LRRCC1: variants seen among roughly 807,000 people sequenced by gnomAD.
LRRCC1 encodes leucine rich repeat and coiled-coil centrosomal protein 1.
Under a neutral mutation model 126.0 loss-of-function variants are expected in LRRCC1, and 115 were observed. That is an observed-to-expected ratio of 0.91 (90% CI 0.78 to 1.07). LRRCC1 has a LOEUF of 1.07. Ranked by LOEUF, LRRCC1 falls within the 50% of genes least tolerant of loss-of-function variation. LRRCC1 has a pLI of 0.00. For synonymous variants in LRRCC1, 400 were observed against 393.4 expected (o/e 1.02, Z -0.20); for missense variants, 1,172 against 1,175.7 (o/e 1.00, Z 0.05).
intron 15 of LRRCC1, 31 bp downstream of exon 15, chr8:85,137,658 G>T: frequency 7.3e-7 from 1 of 1,360,644 alleles, no homozygotes. Context: ...TGGTTAAAGA[G>T]CAAATGGCAG....
In LRRCC1 at chr8:85,113,107, T is replaced by C; in HGVS notation, c.544+8T>C. 6.3e-7 allele frequency: 1 copy of C among 1,584,976 alleles called. No homozygotes were observed. Among genetic ancestry groups the C allele is most frequent in the South Asian group, 1.2e-5 (1 of 86,490 alleles). On this transcript the variant is annotated splice_region_variant and intron_variant, in intron 4 of 18. Transcript: ENST00000360375. ...CTGTCTGTCGACTGCCAGGTATGAATAATTAATTTAATATTTTTTCTAACA... is the reference window on the plus strand; with the variant it reads ...CTGTCTGTCGACTGCCAGGTATGAACAATTAATTTAATATTTTTTCTAACA...
chr8:85,117,115 G>C (rs1191550663), intron 6 of LRRCC1, among the ~76,000 whole-genome samples: 1 of 152,062 alleles, frequency 6.6e-6, no homozygotes, highest in Non-Finnish European at 1.5e-5. Flanking sequence ...TTTCTCATAG[G>C]CTGATCTCAT....
chr8:85,123,685 G>A, intron 7 of LRRCC1, 79 bp downstream of exon 7: 1 of 1,088,186 alleles, frequency 9.2e-7, no homozygotes, highest in Non-Finnish European at 1.3e-6. Flanking sequence ...ATCTCTTGGT[G>A]ATATTTGTTA....
At chr8:85,145,203 A>G (rs1259840340) in intron 18 of LRRCC1, among the ~76,000 whole-genome samples, 186 bp from the exon 19 acceptor site, 2 of 151,804 alleles carry the variant, frequency 1.3e-5, no homozygotes, top group Non-Finnish European at 2.9e-5. Flanking sequence ...AGTACTTTGT[A>G]TACTGTATAA....
Position 85,107,306 on chromosome 8 carries a change from C to T in LRRCC1, c.11C>T (p.Ala4Val), listed in dbSNP as rs371924871. 2.5e-4 allele frequency: 398 copies of T among 1,611,098 alleles called. No individual in the cohort carries two copies. The highest frequency in any genetic ancestry group is 3.3e-4 in the Non-Finnish European group (387 of 1,179,014). ...CCCGTCGCCAGTGCTATGGAGGCGG[C>T]GGCGGCGGTGGTGGCGGCAGAGGCG... MEA[A>V]AAVVAAEAEV... Residue 4 changes from alanine to valine, a missense_variant, in exon 1 of 19, where the codon GCG becomes GTG. Ala to Val is a moderately conservative substitution (Grantham distance 64). Transcript: ENST00000360375.
chr8:85,124,732 A>T, intron 7 of LRRCC1, 60 bp from the exon 8 acceptor site: 1 of 1,086,742 alleles, frequency 9.2e-7, no homozygotes, highest in Non-Finnish European at 1.3e-6. Context: ...ATGTTAATTT[A>T]GAGAAAAGTA....
At chr8:85,108,793 C>A in intron 1 of LRRCC1, 1 of 152,290 alleles carries the variant, frequency 6.6e-6, no homozygotes. Context: ...ATTGTGTGTT[C>A]CTGGGTGTAT....
intron 18 of LRRCC1, among the ~76,000 whole-genome samples, chr8:85,144,586 C>T (rs1811534217): frequency 6.8e-6 from 1 of 147,082 alleles, no homozygotes; most frequent in African/African-American, 2.5e-5. Flanking sequence ...CCTCCCTCAG[C>T]TTCCTGAGTA....
In LRRCC1 at chr8:85,123,503, A is replaced by C. The variant is rs746233056; in HGVS notation, c.1021A>C (p.Lys341Gln). 2 of 1,611,884 alleles carry C rather than the reference A, an allele frequency of 1.2e-6. No homozygotes were observed. The highest frequency in any genetic ancestry group is 4.5e-5 in the East Asian group (2 of 44,744). ...TTCTGAAAGTGACTATGGAAACAGA[A>C]AAGAATGCAATAGAAAAGTTCCTCG... ...ITSESDYGNR[K>Q]ECNRKVPRRS... Residue 341 changes from lysine (K) to glutamine (Q), a missense_variant, in exon 7 of 19, where the codon AAA (lysine) becomes CAA (glutamine). Physicochemically the swap from Lys to Gln is moderately conservative, Grantham distance 53 (BLOSUM62 1). Coordinates refer to ENST00000360375, the MANE Select transcript of LRRCC1 (RefSeq NM_033402.5).
intron 17 of LRRCC1, among the ~76,000 whole-genome samples, chr8:85,140,232 G>A (rs1174797161): frequency 1.3e-5 from 2 of 152,138 alleles, no homozygotes; most frequent in Admixed American, 1.3e-4. Context: ...TTTAATTTAA[G>A]GGAATTGTAA....
chr8:85,111,800 T>G (rs1479349875), intron 3 of LRRCC1, among the ~76,000 whole-genome samples: 1 of 152,012 alleles, frequency 6.6e-6, no homozygotes, highest in African/African-American at 2.4e-5. Context: ...CTGGTGAGAT[T>G]GTGAAGCAGT....
Position 85,131,847 on chromosome 8 carries a change from T to C in LRRCC1, c.1854T>C (p.His618=). Reference sequence around the variant, plus strand: ...AAATAGCCAAAGAAGAGAAAAAGCATGAGCAAATGATAAAAGAATACCAAG... The same window carrying C: ...AAATAGCCAAAGAAGAGAAAAAGCACGAGCAAATGATAAAAGAATACCAAG... ...AKEIAKEEKK[H]EQMIKEYQEK... is the part of the protein sequence containing the mutation. The change falls in exon 12 of 19, where the codon CAT becomes CAC. Residue 618 remains histidine, a synonymous_variant. Transcript: ENST00000360375. The C allele has an allele frequency of 4.3e-6, 7 of 1,613,772 alleles. No individual in the cohort carries two copies. Among genetic ancestry groups the C allele is most frequent in the Non-Finnish European group, 5.9e-6 (7 of 1,179,862 alleles).
At chr8:85,137,718 T>C in intron 15 of LRRCC1, 91 bp downstream of exon 15, 1 of 982,346 alleles carries the variant, frequency 1.0e-6, no homozygotes, top group South Asian at 2.8e-5. Context: ...TTCAGTGTTT[T>C]CCAACTGTTG....
chr8:85,142,443 A>C (rs1811319347), intron 18 of LRRCC1, among the ~76,000 whole-genome samples: 1 of 152,110 alleles, frequency 6.6e-6, no homozygotes, highest in Admixed American at 6.6e-5. Flanking sequence ...CCTGCTTCTG[A>C]AGTGGTAATA....
In LRRCC1 at chr8:85,145,659, GTATT is replaced by G. The variant is rs10606126; in HGVS notation, c.*153_*156del. 0.66 allele frequency: 347,399 copies of G among 528,606 alleles called. 116,956 individuals carry two copies. Among genetic ancestry groups the G allele is most frequent in the African/African-American group, 0.68 (33,428 of 49,226 alleles). The allele number at this position is 528,606 out of a possible 1,614,324, so 32.7% of individuals were successfully genotyped here. A position where few individuals can be genotyped will look rare whatever the true frequency, so the allele number is the denominator to read the frequency against. On this transcript the variant is annotated 3_prime_UTR_variant, in exon 19 of 19. Coordinates refer to ENST00000360375, the MANE Select transcript of LRRCC1 (RefSeq NM_033402.5). ...TATATTTTTAAAGACTTTTGATCAA[GTATT>G]TATTAATTGTATAGGTTTTTTATAA...
chr8:85,114,875 G>T (rs923995161), intron 4 of LRRCC1, among the ~76,000 whole-genome samples: 1 of 151,998 alleles, frequency 6.6e-6, no homozygotes, highest in African/African-American at 2.4e-5. Flanking sequence ...TCATCAGGAG[G>T]GTTATTTGAG....
At position 85,115,511 on chromosome 8, in the gene LRRCC1, A is replaced by C; in HGVS notation, c.857A>C (p.Asn286Thr). ...CAATCTTCTGAGCCAGAGAAAAATA[A>C]TCATGAAAACGATTTGCAGAATGAG... ...VCQSSEPEKN[N>T]HENDLQNEIK... Residue 286 changes from asparagine to threonine, a missense_variant, in exon 6 of 19, where the codon AAT becomes ACT. Physicochemically the swap from Asn to Thr is moderately conservative, Grantham distance 65 (BLOSUM62 0). Transcript: ENST00000360375. The C allele has an allele frequency of 6.2e-7, 1 of 1,613,816 alleles. No individual in the cohort carries two copies. The highest frequency in any genetic ancestry group is 1.3e-5 in the African/African-American group (1 of 75,038).
intron 12 of LRRCC1, among the ~76,000 whole-genome samples, chr8:85,134,143 T>C (rs1810689805): frequency 6.6e-6 from 1 of 152,180 alleles, no homozygotes; most frequent in Non-Finnish European, 1.5e-5. Context: ...ATTATGCCAG[T>C]TAAAATTGAA....
rs551423793 is a variant in LRRCC1 at position 85,132,375 on chromosome 8, C to CTTT, written c.1968+440_1968+442dup. On this transcript the variant is annotated intron_variant, in intron 12 of 18. Coordinates refer to ENST00000360375, the MANE Select transcript of LRRCC1 (RefSeq NM_033402.5). The stretch of plus-strand genomic sequence containing the variant: ...TTACAAAAGCACAGTTGAGTACTTT[C>CTTT]TTTTTTTTTTTTTTTTTTTTTTTTT... Among the ~76,000 whole-genome samples, 320 of 109,922 alleles carry CTTT rather than the reference C, an allele frequency of 2.9e-3. 2 individuals carry two copies. Among genetic ancestry groups the CTTT allele is most frequent in the East Asian group, 5.8e-3 (21 of 3,612 alleles). The allele number at this position is 109,922 out of a possible 152,430, so 72.1% of individuals were successfully genotyped here. A position where few individuals can be genotyped will look rare whatever the true frequency, so the allele number is the denominator to read the frequency against.
Sources: allele counts gnomAD v4.1 joint callset (sites outside exome capture counted in the v4.1 genomes callset), GRCh38; gene constraint gnomAD v4.1.1; transcripts MANE v1.5; gene names NCBI Gene and HGNC (gene_info 2026-07-23, HGNC 2026-07-21).